HIPK3: variants seen among roughly 807,000 people sequenced by gnomAD.
The protein encoded by HIPK3 is homeodomain interacting protein kinase 3.
Under a neutral mutation model 124.2 loss-of-function variants are expected in HIPK3, and 47 were observed. The ratio of observed to expected loss-of-function variants is 0.38; its 90% CI spans 0.30 to 0.48. The LOEUF (loss-of-function observed/expected upper bound fraction) is 0.48, where lower values mean the gene tolerates loss of function less well. Among genes scored for constraint, HIPK3 ranks in the 20% least tolerant of loss-of-function variants. The pLI is 0.98. For synonymous variants in HIPK3, 482 were observed against 515.2 expected (o/e 0.94, Z 0.87); for missense variants, 1,286 against 1,454.3 (o/e 0.88, Z 1.88).
At position 33,279,801 on chromosome 11, in the gene HIPK3, T is replaced by G. The variant is rs1457498795; in HGVS notation, c.-2-6612T>G. Among the ~76,000 whole-genome samples the G allele has an allele frequency of 2.0e-5, 3 of 152,160 alleles. No individual in the cohort carries two copies. In the East Asian group the frequency reaches 5.8e-4, roughly 29 times the overall value. On this transcript the variant is annotated intron_variant, in intron 1 of 16. Transcript: ENST00000303296. ...GATCAAGGTGCCAGCAGATTTGGTGTGTGGTGAGGGCTCACTTTCTCCTCC... is the reference window on the plus strand; with the variant it reads ...GATCAAGGTGCCAGCAGATTTGGTGGGTGGTGAGGGCTCACTTTCTCCTCC...
chr11:33,353,570 A>G lies in HIPK3; in HGVS notation c.*2A>G, dbSNP rs139062945. 7.0e-5 allele frequency: 108 copies of G among 1,544,872 alleles called. No homozygotes were observed. In the East Asian group the frequency reaches 9.7e-4, roughly 14 times the overall value. ...CTCAGCCAGTATCCATATATGTGAA[A>G]AACAGTATATTGGGGAAGCTCAATG... is the stretch of plus-strand genomic sequence containing the variant. On this transcript the variant is annotated 3_prime_UTR_variant, in exon 17 of 17. Transcript: ENST00000303296.
intron 2 of HIPK3, among the ~76,000 whole-genome samples, chr11:33,317,782 G>A (rs1852549176): frequency 6.6e-6 from 1 of 152,146 alleles, no homozygotes; most frequent in African/African-American, 2.4e-5. Flanking sequence ...TTTGTTACAA[G>A]TATAGGGGTT....
intron 2 of HIPK3, among the ~76,000 whole-genome samples, chr11:33,311,930 C>CACACACACT (rs1275166725): frequency 6.9e-6 from 1 of 143,906 alleles, no homozygotes; most frequent in Non-Finnish European, 1.5e-5. Flanking sequence ...CACACACACA[C>CACACACACT]ACACACTACA....
At chr11:33,264,177 A>G (rs1417387874) in intron 1 of HIPK3, among the ~76,000 whole-genome samples, 1 of 152,034 alleles carries the variant, frequency 6.6e-6, no homozygotes, top group Non-Finnish European at 1.5e-5. Flanking sequence ...TTTTTAAACA[A>G]AAAGGTCACA....
At chr11:33,334,651 TAAA>T (rs71034673) in intron 3 of HIPK3, among the ~76,000 whole-genome samples, 64 of 150,916 alleles carry the variant, frequency 4.2e-4, no homozygotes, top group South Asian at 1.9e-3. Flanking sequence ...TGATGAGCTT[TAAA>T]AAAAAAAAAA....
intron 2 of HIPK3, among the ~76,000 whole-genome samples, chr11:33,309,016 C>A (rs1852248540): frequency 6.6e-6 from 1 of 151,892 alleles, no homozygotes; most frequent in Non-Finnish European, 1.5e-5. Flanking sequence ...AACAAAAGTT[C>A]TCTGAAAAGG....
At chr11:33,289,219 C>T (rs1027053595) in intron 2 of HIPK3, among the ~76,000 whole-genome samples, 2 of 151,906 alleles carry the variant, frequency 1.3e-5, no homozygotes, top group African/African-American at 4.8e-5. Context: ...GTGGGAGGAT[C>T]GCTTTAGGCC....
At chr11:33,330,965 C>T (rs112268821) in intron 3 of HIPK3, among the ~76,000 whole-genome samples, 14,895 of 151,882 alleles carry the variant, frequency 0.098, 1,667 homozygotes, top group African/African-American at 0.28. Flanking sequence ...CTCACTGCAA[C>T]CTCCGCCTCA....
At position 33,286,747 on chromosome 11, in the gene HIPK3, G is replaced by A. The variant is rs1169533927; in HGVS notation, c.333G>A (p.Ala111=). The A allele has an allele frequency of 2.5e-6, 4 of 1,613,976 alleles. No individual in the cohort carries two copies. Among genetic ancestry groups the A allele is most frequent in the African/African-American group, 1.3e-5 (1 of 74,940 alleles). ...ACGTGCAGGCACCTCAGATTGGGGC[G>A]TGGCGAAACAGATTGCATTTCCTAG... The part of the protein sequence containing the change: ...QAHVQAPQIG[A]WRNRLHFLEG... Residue 111 remains alanine (A), a synonymous_variant, in exon 2 of 17, where the codon GCG becomes GCA. Transcript: ENST00000303296.
chr11:33,324,364 A>G (rs1288459606), intron 2 of HIPK3, among the ~76,000 whole-genome samples: 2 of 152,232 alleles, frequency 1.3e-5, no homozygotes, highest in Non-Finnish European at 2.9e-5. Flanking sequence ...GGTATGATAT[A>G]CATAGAAAAT....
At chr11:33,279,324 CAAAAAAAAAAAAAA>C (rs869091127) in intron 1 of HIPK3, among the ~76,000 whole-genome samples, 1 of 77,528 alleles carries the variant, frequency 1.3e-5, no homozygotes, top group Admixed American at 1.6e-4. Context: ...CTCTTTGTCT[CAAAAAAAAAAAAAA>C]AAAAAAAAAA....
chr11:33,284,659 G>A (rs1316548229), intron 1 of HIPK3, among the ~76,000 whole-genome samples: 11 of 152,122 alleles, frequency 7.2e-5, no homozygotes, highest in Admixed American at 7.2e-4. Flanking sequence ...AAAGAAGAAA[G>A]GGTAGATGTG....
intron 8 of HIPK3, among the ~76,000 whole-genome samples, chr11:33,343,650 A>G (rs1021149787): frequency 5.3e-5 from 8 of 152,166 alleles, no homozygotes; most frequent in African/African-American, 1.4e-4. Context: ...CCTCAGTACC[A>G]AATAAAAAAC....
chr11:33,282,620 T>A (rs1242497802), intron 1 of HIPK3, among the ~76,000 whole-genome samples: 1 of 151,912 alleles, frequency 6.6e-6, no homozygotes, highest in Admixed American at 6.6e-5. Flanking sequence ...AAGGTGGAGA[T>A]TGCAGTGAGC....
At chr11:33,276,807 G>A (rs1851285277) in intron 1 of HIPK3, among the ~76,000 whole-genome samples, 1 of 152,098 alleles carries the variant, frequency 6.6e-6, no homozygotes, top group South Asian at 2.1e-4. Context: ...CCGGATTCAA[G>A]TGATTCCCAT....
At chr11:33,309,338 C>A (rs1004400822) in intron 2 of HIPK3, among the ~76,000 whole-genome samples, 1 of 152,200 alleles carries the variant, frequency 6.6e-6, no homozygotes, top group Non-Finnish European at 1.5e-5. Flanking sequence ...TGGCCTCCAA[C>A]TTGTGGCCTC....
chr11:33,306,021 A>G (rs530802706), intron 2 of HIPK3, among the ~76,000 whole-genome samples: 3 of 152,208 alleles, frequency 2.0e-5, no homozygotes, highest in Non-Finnish European at 4.4e-5. Context: ...TGGGCATGCT[A>G]CTGTACCCGG....
intron 2 of HIPK3, among the ~76,000 whole-genome samples, chr11:33,305,452 CT>C (rs1227696048): frequency 2.0e-5 from 3 of 152,226 alleles, no homozygotes; most frequent in African/African-American, 7.2e-5. Flanking sequence ...TATTTACTGA[CT>C]GCTTAGGTTC....
intron 1 of HIPK3, among the ~76,000 whole-genome samples, chr11:33,266,900 A>C (rs590224): frequency 2.0e-5 from 3 of 151,902 alleles, no homozygotes; most frequent in African/African-American, 7.3e-5. Flanking sequence ...TTTAAATAAA[A>C]GAAGGTCATA....
Sources: allele counts gnomAD v4.1 joint callset (sites outside exome capture counted in the v4.1 genomes callset), GRCh38; gene constraint gnomAD v4.1.1; transcripts MANE v1.5; gene names NCBI Gene and HGNC (gene_info 2026-07-23, HGNC 2026-07-21).